SEMA3E: variants seen among roughly 807,000 people sequenced by gnomAD.
SEMA3E encodes the protein semaphorin-3E.
In SEMA3E, 49 loss-of-function variants were observed where a neutral mutation model predicts 93.6. That is an observed-to-expected ratio of 0.52 (90% CI 0.42 to 0.66). SEMA3E has a LOEUF of 0.66. SEMA3E is among the 30% of genes least tolerant of loss of function. The pLI is 0.00. For missense variants in SEMA3E, 906 were observed against 964.8 expected (o/e 0.94, Z 0.81); for synonymous variants, 363 against 330.7 (o/e 1.10, Z -1.06).
intron 1 of SEMA3E, among the ~76,000 whole-genome samples, chr7:83,548,510 AT>A (rs1351863830): frequency 6.6e-6 from 1 of 152,058 alleles, no homozygotes; most frequent in South Asian, 2.1e-4. Context: ...CATTATTGAG[AT>A]TTTTTTCCCT....
chr7:83,422,233 C>A (rs908671540), intron 4 of SEMA3E, among the ~76,000 whole-genome samples: 1 of 151,966 alleles, frequency 6.6e-6, no homozygotes, highest in Admixed American at 6.6e-5. Flanking sequence ...ACAAATGTGG[C>A]CTCCTGACCC....
At chr7:83,380,754 A>G (rs1415832985) in intron 16 of SEMA3E, among the ~76,000 whole-genome samples, 2 of 151,968 alleles carry the variant, frequency 1.3e-5, no homozygotes, top group Non-Finnish European at 2.9e-5. Flanking sequence ...CACAAGAGCT[A>G]AGATGTATTT....
intron 16 of SEMA3E, among the ~76,000 whole-genome samples, chr7:83,379,451 A>T (rs552485812): frequency 3.7e-4 from 57 of 152,050 alleles, no homozygotes; most frequent in African/African-American, 1.3e-3. Context: ...GTTACTACAT[A>T]TAAAGCACTT....
At chr7:83,420,137 C>G (rs894758571) in intron 4 of SEMA3E, among the ~76,000 whole-genome samples, 4 of 152,132 alleles carry the variant, frequency 2.6e-5, no homozygotes, top group African/African-American at 9.7e-5. Flanking sequence ...AATTTCTATA[C>G]ACATATAGCA....
intron 1 of SEMA3E, among the ~76,000 whole-genome samples, chr7:83,497,300 T>C (rs983086364): frequency 2.6e-5 from 4 of 152,138 alleles, no homozygotes; most frequent in African/African-American, 9.6e-5. Context: ...TTTTCAGCTC[T>C]CAAACAAAAA....
intron 4 of SEMA3E, among the ~76,000 whole-genome samples, chr7:83,434,452 T>G (rs962247832): frequency 2.6e-5 from 4 of 152,318 alleles, no homozygotes; most frequent in African/African-American, 4.8e-5. Flanking sequence ...TAAATTAGAA[T>G]TCATCCAATA....
At chr7:83,403,856 C>G (rs1259445552) in intron 9 of SEMA3E, among the ~76,000 whole-genome samples, 1 of 151,856 alleles carries the variant, frequency 6.6e-6, no homozygotes. Flanking sequence ...CACCATTCTA[C>G]AAATATCAAT....
chr7:83,479,040 A>G (rs58407815), intron 2 of SEMA3E, among the ~76,000 whole-genome samples: 5,660 of 152,310 alleles, frequency 0.037, 124 homozygotes, highest in African/African-American at 0.061. Context: ...ATTGCCTAGA[A>G]GATTCCGTTT....
chr7:83,564,752 C>T (rs1340011535), intron 1 of SEMA3E, among the ~76,000 whole-genome samples: 1 of 151,836 alleles, frequency 6.6e-6, no homozygotes, highest in South Asian at 2.1e-4. Context: ...AATATGTGTT[C>T]AGGAATGTTG....
chr7:83,462,358 A>G (rs1789645558), intron 4 of SEMA3E, among the ~76,000 whole-genome samples: 1 of 152,140 alleles, frequency 6.6e-6, no homozygotes, highest in South Asian at 2.1e-4. Context: ...TCTGGTGCCA[A>G]CTTAGACAAT....
intron 1 of SEMA3E, among the ~76,000 whole-genome samples, chr7:83,545,855 A>AT (rs1791639588): frequency 6.8e-6 from 1 of 146,336 alleles, no homozygotes. Context: ...AGTATGACGG[A>AT]TATCTATATA....
chr7:83,492,714 T>A (rs891498095), intron 1 of SEMA3E, among the ~76,000 whole-genome samples: 4 of 140,640 alleles, frequency 2.8e-5, no homozygotes, highest in Non-Finnish European at 6.5e-5. Context: ...TTATGTTTAT[T>A]TATATATATA....
At chr7:83,544,454 G>C (rs565549551) in intron 1 of SEMA3E, among the ~76,000 whole-genome samples, 3 of 152,050 alleles carry the variant, frequency 2.0e-5, no homozygotes, top group Non-Finnish European at 4.4e-5. Context: ...TCCAACTGGG[G>C]AGGCATGAAA....
intron 1 of SEMA3E, among the ~76,000 whole-genome samples, chr7:83,515,822 G>C (rs1790915428): frequency 6.6e-6 from 1 of 152,150 alleles, no homozygotes; most frequent in South Asian, 2.1e-4. Flanking sequence ...GCGGTCAGGA[G>C]TTCGAGACCA....
At chr7:83,425,378 ACT>A (rs1255588614) in intron 4 of SEMA3E, among the ~76,000 whole-genome samples, 2 of 152,092 alleles carry the variant, frequency 1.3e-5, no homozygotes, top group Admixed American at 1.3e-4. Flanking sequence ...AATATTTGAC[ACT>A]GTTACCTGCT....
At chr7:83,463,824 C>A (rs1469145307) in intron 4 of SEMA3E, among the ~76,000 whole-genome samples, 1 of 152,134 alleles carries the variant, frequency 6.6e-6, no homozygotes, top group Non-Finnish European at 1.5e-5. Flanking sequence ...AGGGATTATT[C>A]AGGCCCCCTC....
intron 7 of SEMA3E, 70 bp downstream of exon 7, chr7:83,407,027 A>C: frequency 6.4e-7 from 1 of 1,568,556 alleles, no homozygotes; most frequent in Non-Finnish European, 8.7e-7. Flanking sequence ...GTAGAAACTT[A>C]CTATAAACTT....
At chr7:83,454,270 A>AT (rs1230455600) in intron 4 of SEMA3E, among the ~76,000 whole-genome samples, 19 of 99,052 alleles carry the variant, frequency 1.9e-4, no homozygotes, top group South Asian at 1.9e-3. Context: ...AAAAAAAAAA[A>AT]AAATATATAT....
chr7:83,382,772 A>C (rs1787802819), intron 16 of SEMA3E, among the ~76,000 whole-genome samples: 1 of 151,982 alleles, frequency 6.6e-6, no homozygotes, highest in Non-Finnish European at 1.5e-5. Context: ...TAAAATATAT[A>C]GAGATTATGT....
Sources: gnomAD v4.1 joint callset for allele counts (sites outside exome capture counted in the v4.1 genomes callset) on GRCh38, gnomAD v4.1.1 for gene constraint, MANE v1.5 for transcripts, NCBI Gene and HGNC (gene_info 2026-07-23, HGNC 2026-07-21) for gene names.